The following BACH2 variants were observed in gnomAD, a reference collection of about 807,000 sequenced individuals.
BACH2 encodes the protein BACH transcriptional regulator 2.
In BACH2, 5 loss-of-function variants were observed where a neutral mutation model predicts 61.8. The ratio of observed to expected loss-of-function variants is 0.08; its 90% CI spans 0.04 to 0.17. The LOEUF is 0.17. BACH2 is among the 10% of genes least tolerant of loss of function. The pLI is 1.00. For missense variants in BACH2, 824 were observed against 1,091.1 expected (o/e 0.76, Z 3.45); for synonymous variants, 446 against 440.1 (o/e 1.01, Z -0.17).
At chr6:90,126,570 T>A (rs768279250) in intron 4 of BACH2, among the ~76,000 whole-genome samples, 5 of 152,174 alleles carry the variant, frequency 3.3e-5, no homozygotes, top group Non-Finnish European at 7.3e-5. Flanking sequence ...CCTAGTGAAG[T>A]GATTATGTTT....
At chr6:89,963,161 A>G (rs1774845685) in intron 6 of BACH2, among the ~76,000 whole-genome samples, 1 of 152,254 alleles carries the variant, frequency 6.6e-6, no homozygotes, top group African/African-American at 2.4e-5. Flanking sequence ...TAACAGAGAA[A>G]TAAAAATTAA....
intron 7 of BACH2, among the ~76,000 whole-genome samples, chr6:89,941,273 T>C (rs897083165): frequency 6.6e-6 from 1 of 152,142 alleles, no homozygotes; most frequent in Non-Finnish European, 1.5e-5. Context: ...TACAAAATGA[T>C]CATTTGACTT....
intron 5 of BACH2, among the ~76,000 whole-genome samples, chr6:90,039,387 G>C (rs1779416058): frequency 6.6e-6 from 1 of 152,092 alleles, no homozygotes; most frequent in Non-Finnish European, 1.5e-5. Context: ...CAATGTACAA[G>C]AGTACTTTTT....
At chr6:90,269,238 T>C (rs1771443952) in intron 2 of BACH2, among the ~76,000 whole-genome samples, 1 of 151,936 alleles carries the variant, frequency 6.6e-6, no homozygotes, top group Non-Finnish European at 1.5e-5. Flanking sequence ...ACCAATATTC[T>C]ATGCTGGGGG....
chr6:90,058,660 C>T (rs931805683), intron 5 of BACH2, among the ~76,000 whole-genome samples: 18 of 152,142 alleles, frequency 1.2e-4, no homozygotes, highest in South Asian at 4.1e-4. Flanking sequence ...GAGCCCGCAT[C>T]GCCAAGTCAA....
chr6:89,974,734 A>G (rs1462010019), intron 6 of BACH2, among the ~76,000 whole-genome samples: 2 of 152,222 alleles, frequency 1.3e-5, no homozygotes, highest in African/African-American at 2.4e-5. Flanking sequence ...GGATAGCCAA[A>G]ACTAGAGGTA....
At chr6:90,283,277 C>T (rs1176430880) in intron 1 of BACH2, among the ~76,000 whole-genome samples, 2 of 152,116 alleles carry the variant, frequency 1.3e-5, no homozygotes, top group East Asian at 3.8e-4. Context: ...ACGTCTTTAC[C>T]ACTTTGGGCT....
intron 3 of BACH2, among the ~76,000 whole-genome samples, chr6:90,212,441 A>G (rs1562507557): frequency 6.6e-6 from 1 of 152,196 alleles, no homozygotes; most frequent in Non-Finnish European, 1.5e-5. Context: ...AAGTTACAGC[A>G]GATGTGTGGC....
At chr6:90,084,867 AAACCATGG>A (rs1394658330) in intron 5 of BACH2, among the ~76,000 whole-genome samples, 1 of 152,104 alleles carries the variant, frequency 6.6e-6, no homozygotes, top group African/African-American at 2.4e-5. Flanking sequence ...GAACTTTTTG[AAACCATGG>A]ATCCTTATAG....
intron 6 of BACH2, among the ~76,000 whole-genome samples, chr6:89,985,030 G>A (rs1168832284): frequency 6.6e-6 from 1 of 152,138 alleles, no homozygotes; most frequent in East Asian, 1.9e-4. Flanking sequence ...GAGACATTTG[G>A]CCGTGCCTTT....
intron 2 of BACH2, among the ~76,000 whole-genome samples, chr6:90,262,258 T>A (rs1425947522): frequency 6.6e-6 from 1 of 152,210 alleles, no homozygotes; most frequent in Non-Finnish European, 1.5e-5. Context: ...TATGGGCTCT[T>A]TGCCCAAAAT....
intron 3 of BACH2, among the ~76,000 whole-genome samples, chr6:90,235,053 T>C (rs1469660538): frequency 2.6e-5 from 4 of 152,212 alleles, no homozygotes; most frequent in Non-Finnish European, 5.9e-5. Flanking sequence ...GTATAAGACA[T>C]GGTAAAATCT....
intron 4 of BACH2, among the ~76,000 whole-genome samples, chr6:90,164,455 T>A (rs1215714408): frequency 6.6e-6 from 1 of 151,488 alleles, no homozygotes; most frequent in Non-Finnish European, 1.5e-5. Flanking sequence ...CAGGACCAGA[T>A]GGATTCACAG....
intron 5 of BACH2, among the ~76,000 whole-genome samples, chr6:90,060,637 A>G (rs1020016269): frequency 4.6e-5 from 7 of 151,996 alleles, no homozygotes; most frequent in African/African-American, 1.2e-4. Context: ...GGAAGGAGTA[A>G]TTAATATATT....
At chr6:90,239,704 G>A (rs1045233064) in intron 3 of BACH2, among the ~76,000 whole-genome samples, 8 of 150,834 alleles carry the variant, frequency 5.3e-5, no homozygotes, top group Non-Finnish European at 1.2e-4. Context: ...AAGAGATTAT[G>A]TTATCTCTGA....
intron 3 of BACH2, among the ~76,000 whole-genome samples, chr6:90,208,258 A>G (rs1562504971): frequency 6.6e-6 from 1 of 152,202 alleles, no homozygotes; most frequent in Non-Finnish European, 1.5e-5. Flanking sequence ...CTATCAGCAG[A>G]GTGAACAGGC....
At chr6:90,027,551 C>T (rs189883586) in intron 5 of BACH2, among the ~76,000 whole-genome samples, 113 of 152,252 alleles carry the variant, frequency 7.4e-4, no homozygotes, top group Non-Finnish European at 8.7e-4. Context: ...CCTCTCCAAA[C>T]GGTAAGGAAT....
chr6:89,958,152 A>G (rs1184587955), intron 6 of BACH2, among the ~76,000 whole-genome samples: 2 of 151,724 alleles, frequency 1.3e-5, no homozygotes, highest in Non-Finnish European at 2.9e-5. Context: ...TACTAATTTT[A>G]TTTTATTTTT....
chr6:90,102,837 AAT>A (rs1328559690), intron 4 of BACH2, among the ~76,000 whole-genome samples: 6,621 of 140,322 alleles, frequency 0.047, 242 homozygotes, highest in South Asian at 0.11. Flanking sequence ...TAATAATAAT[AAT>A]AAAAATAAAA....
Sources: allele counts gnomAD v4.1 joint callset (sites outside exome capture counted in the v4.1 genomes callset), GRCh38; gene constraint gnomAD v4.1.1; transcripts MANE v1.5; gene names NCBI Gene and HGNC (gene_info 2026-07-23, HGNC 2026-07-21).